TRIM5: variants seen among roughly 807,000 people sequenced by gnomAD.
TRIM5 encodes tripartite motif-containing protein 5.
In TRIM5, 31 loss-of-function variants were observed where a neutral mutation model predicts 35.6. The ratio of observed to expected loss-of-function variants is 0.87; its 90% CI spans 0.65 to 1.18. The LOEUF is 1.18. TRIM5 is among the 50% of genes most tolerant of loss of function. The probability of loss-of-function intolerance (pLI) is 0.00; values close to 1 mark genes in which losing one functional copy is unlikely to be tolerated. For missense variants in TRIM5, 609 were observed against 591.6 expected (o/e 1.03, Z -0.31); for synonymous variants, 243 against 215.6 (o/e 1.13, Z -1.11).
At chr11:5,591,579 C>T in the TRIM5 span, among the ~76,000 whole-genome samples, 9 of 151,534 alleles carry the variant, frequency 5.9e-5, no homozygotes, top group Non-Finnish European at 1.3e-4. Context: ...ACCTGGGAGG[C>T]GGAGGTTGCA....
chr11:5,676,760 G>A lies in TRIM5; in HGVS notation c.744+1444C>T, dbSNP rs1852014057. Among the ~76,000 whole-genome samples the A allele has an allele frequency of 2.0e-5, 3 of 150,416 alleles. No homozygotes were observed. The South Asian group carries it at 6.5e-4, about 32-fold the overall frequency. On this transcript the variant is annotated intron_variant, in intron 4 of 7. Transcript: ENST00000380034. ...GTACTGGTACCAAAACAGAGATATA[G>A]ATCAATGGAACAGAACAGAGCCCTC... is the stretch of plus-strand genomic sequence containing the variant.
chr11:5,655,179 G>A, the TRIM5 span, among the ~76,000 whole-genome samples: 1 of 149,314 alleles, frequency 6.7e-6, no homozygotes, highest in Admixed American at 6.7e-5. Flanking sequence ...GGCAACAAGA[G>A]CGAAACTCCG....
At chr11:5,594,686 T>C in the TRIM5 span, among the ~76,000 whole-genome samples, 1 of 152,176 alleles carries the variant, frequency 6.6e-6, no homozygotes, top group Non-Finnish European at 1.5e-5. Flanking sequence ...TGTAAGTTAC[T>C]TCCATTTATA....
At position 5,679,991 on chromosome 11, in the gene TRIM5, G is replaced by A. The variant is rs902638367; in HGVS notation, c.187C>T (p.Gln63Ter). ...CGATTAGGCCGTATGTTCTCAGGCT[G>A]GTAACTGATCCGGCACACAGGGCAG... ...SSCPVCRISY[Q>*]PENIRPNRHV... The change falls in exon 2 of 8, where the codon CAG becomes TAG. Residue 63 changes from glutamine to a stop codon, truncating the protein, a stop_gained. Transcript: ENST00000380034. LOFTEE classifies it high-confidence loss of function. The A allele has an allele frequency of 1.2e-6, 2 of 1,613,924 alleles. No individual in the cohort carries two copies. Among genetic ancestry groups the A allele is most frequent in the Non-Finnish European group, 1.7e-6 (2 of 1,179,996 alleles).
At chr11:5,650,556 T>G in the TRIM5 span, among the ~76,000 whole-genome samples, 2 of 152,208 alleles carry the variant, frequency 1.3e-5, no homozygotes, top group East Asian at 3.9e-4. Flanking sequence ...ACCTGCAGGC[T>G]GGGTGAGAGT....
the TRIM5 span, among the ~76,000 whole-genome samples, chr11:5,625,251 A>C: frequency 6.6e-6 from 1 of 152,182 alleles, no homozygotes; most frequent in African/African-American, 2.4e-5. Context: ...CAGCCTTGAA[A>C]GCAGTGTTAA....
chr11:5,607,889 TC>T, the TRIM5 span, among the ~76,000 whole-genome samples: 4 of 152,146 alleles, frequency 2.6e-5, no homozygotes, highest in Admixed American at 6.5e-5. Flanking sequence ...TTGAGAATCA[TC>T]AACATGTGTA....
chr11:5,617,097 C>T, the TRIM5 span, among the ~76,000 whole-genome samples: 1,089 of 139,318 alleles, frequency 7.8e-3, 88 homozygotes, highest in African/African-American at 0.026. Context: ...AATAAGGAAT[C>T]AACAAAGAAA....
the TRIM5 span, chr11:5,603,878 G>A: frequency 7.1e-7 from 1 of 1,413,112 alleles, no homozygotes; most frequent in Non-Finnish European, 9.3e-7. Flanking sequence ...ATTAAGAATA[G>A]ATTCTTTATC....
At chr11:5,631,139 C>T in the TRIM5 span, among the ~76,000 whole-genome samples, 2 of 152,128 alleles carry the variant, frequency 1.3e-5, no homozygotes, top group Admixed American at 1.3e-4. Context: ...TACACCCCTC[C>T]CCCAACGAAT....
chr11:5,664,804 A>T lies in TRIM5; in HGVS notation c.*5T>A. The T allele has an allele frequency of 6.3e-7, 1 of 1,577,558 alleles. No individual in the cohort carries two copies. Among genetic ancestry groups the T allele is most frequent in the Middle Eastern group, 1.7e-4 (1 of 5,800 alleles). The stretch of plus-strand genomic sequence containing the variant: ...GTACAGAAGGGGCTGAGTGTGTAAG[A>T]AGGTTCAAGAGCTTGGTGAGCACAG... On this transcript the variant is annotated 3_prime_UTR_variant, in exon 8 of 8. Transcript: ENST00000380034.
chr11:5,610,702 C>G, the TRIM5 span: 16 of 1,576,208 alleles, frequency 1.0e-5, no homozygotes, highest in Non-Finnish European at 1.4e-5. Context: ...CAACCACTTC[C>G]TGTGTTTCCT....
At chr11:5,597,062 A>C in the TRIM5 span, 1 of 1,318,042 alleles carries the variant, frequency 7.6e-7, no homozygotes, top group African/African-American at 1.6e-5. Context: ...CACTGAGGTT[A>C]GAGACATTTT....
At chr11:5,596,747 G>A in the TRIM5 span, 13 of 1,232,832 alleles carry the variant, frequency 1.1e-5, no homozygotes, top group Non-Finnish European at 1.5e-5. Context: ...GAACGGAACG[G>A]AGCAGAGTCG....
intron 4 of TRIM5, among the ~76,000 whole-genome samples, chr11:5,676,202 T>C (rs1475388498): frequency 6.6e-6 from 1 of 152,004 alleles, no homozygotes; most frequent in Non-Finnish European, 1.5e-5. Context: ...TTTATAGTCC[T>C]TTGGGTATAT....
the TRIM5 span, among the ~76,000 whole-genome samples, chr11:5,620,391 T>C: frequency 6.6e-6 from 1 of 151,036 alleles, no homozygotes; most frequent in Non-Finnish European, 1.5e-5. Flanking sequence ...GTTGGCCAGA[T>C]TGGTCTCGAA....
chr11:5,608,303 TG>T, the TRIM5 span: 1 of 1,602,164 alleles, frequency 6.2e-7, no homozygotes, highest in Non-Finnish European at 8.5e-7. Flanking sequence ...GTAGGGGACA[TG>T]GAAGGAGAAA....
intron 4 of TRIM5, among the ~76,000 whole-genome samples, chr11:5,673,714 A>C (rs1462894823): frequency 6.6e-6 from 1 of 152,184 alleles, no homozygotes; most frequent in Non-Finnish European, 1.5e-5. Context: ...ATGATAAAAT[A>C]AGTTATCTGA....
At chr11:5,620,540 C>G in the TRIM5 span, among the ~76,000 whole-genome samples, 1 of 152,150 alleles carries the variant, frequency 6.6e-6, no homozygotes, top group Non-Finnish European at 1.5e-5. Context: ...TAATGAGTCT[C>G]AAGCTCTTTA....
Sources: gnomAD v4.1 joint callset for allele counts (sites outside exome capture counted in the v4.1 genomes callset) on GRCh38, gnomAD v4.1.1 for gene constraint, MANE v1.5 for transcripts, NCBI Gene and HGNC (gene_info 2026-07-23, HGNC 2026-07-21) for gene names.